Variants in TNNI3K observed in about 807,000 individuals in gnomAD.
TNNI3K encodes the protein serine/threonine-protein kinase TNNI3K.
In TNNI3K, 140 loss-of-function variants were observed where a neutral mutation model predicts 114.5. The observed-to-expected ratio is 1.22, with a 90% CI of 1.07 to 1.41. The LOEUF (loss-of-function observed/expected upper bound fraction) is 1.41, where lower values mean the gene tolerates loss of function less well. TNNI3K is among the 40% of genes most tolerant of loss of function. TNNI3K has a pLI of 0.00. For missense variants in TNNI3K, 1,125 were observed against 1,007.6 expected, an observed-to-expected ratio of 1.12 and a Z score of -1.58; for synonymous variants, 347 against 347.5, an observed-to-expected ratio of 1.00 and a Z score of 0.02.
At chr1:74,539,810 CTTA>C (rs1052717447) in intron 23 of TNNI3K, among the ~76,000 whole-genome samples, 4 of 151,670 alleles carry the variant, frequency 2.6e-5, no homozygotes, top group Non-Finnish European at 4.4e-5. Flanking sequence ...ATCACTATAT[CTTA>C]TTATCATAAA....
rs1557599715 is a variant in TNNI3K, at chr1:74,486,507, C to CTTTTTGCT, written c.2122-2677_2122-2676insGCTTTTTT. 3.5e-3 allele frequency among the ~76,000 whole-genome samples: 485 copies of CTTTTTGCT among 137,096 alleles called. 4 individuals carry two copies. Among genetic ancestry groups the CTTTTTGCT allele is most frequent in the African/African-American group, 0.012 (461 of 36,898 alleles). 89.9% of individuals were successfully genotyped at this position (137,096 alleles called of 152,430 possible). A position where few individuals can be genotyped will look rare whatever the true frequency, so the allele number is the denominator to read the frequency against. ...TTTTGTGTGTGTTTTTTGTTTTTTG[C>CTTTTTGCT]TTTTTTTTTTTTTGCCTCTGCAAGC... On this transcript the variant is annotated intron_variant, in intron 21 of 24. Coordinates refer to ENST00000326637, the MANE Select transcript of TNNI3K (RefSeq NM_015978.3).
intron 2 of TNNI3K, among the ~76,000 whole-genome samples, chr1:74,243,127 TATAAG>T (rs1429620730): frequency 2.0e-5 from 3 of 152,228 alleles, no homozygotes; most frequent in Non-Finnish European, 4.4e-5. Context: ...ACAACAATCT[TATAAG>T]ATAACAATAA....
At chr1:74,502,680 C>G (rs972503355) in intron 23 of TNNI3K, among the ~76,000 whole-genome samples, 7 of 152,162 alleles carry the variant, frequency 4.6e-5, no homozygotes, top group Admixed American at 1.3e-4. Context: ...GGCCAATAGC[C>G]TTTGATTGGA....
chr1:74,501,499 T>G (rs1669628559), intron 23 of TNNI3K, among the ~76,000 whole-genome samples: 1 of 146,562 alleles, frequency 6.8e-6, no homozygotes, highest in Non-Finnish European at 1.5e-5. Flanking sequence ...TTTGTTTGTT[T>G]GTTTGTTTTT....
rs1661532485 is a variant in TNNI3K at position 74,354,081 on chromosome 1, A to G, written c.1129A>G (p.Ser377Gly). ...AGTGGCTTGTGATCCCAGCAGGTCT[A>G]GTGGTGAAAAAGATGAGCAGACATG... is the stretch of plus-strand genomic sequence containing the variant. ...NLVACDPSRS[S>G]GEKDEQTCLM... The change falls in exon 11 of 25, where the codon AGT (serine) becomes GGT (glycine). Residue 377 changes from serine to glycine, a missense_variant. Coordinates refer to ENST00000326637, the MANE Select transcript of TNNI3K (RefSeq NM_015978.3). 2 of 1,614,098 alleles carry G rather than the reference A, an allele frequency of 1.2e-6. No homozygotes were observed. Among genetic ancestry groups the G allele is most frequent in the East Asian group, 4.5e-5 (2 of 44,846 alleles).
At chr1:74,289,485 T>TGAATTACA (rs1570423826) in intron 5 of TNNI3K, among the ~76,000 whole-genome samples, 1 of 2,496 alleles carries the variant, frequency 4.0e-4, no homozygotes, top group South Asian at 0.029. Context: ...CCATAGGTAG[T>TGAATTACA]GTCATTAGTC....
At chr1:74,455,964 A>G (rs1381538611) in intron 20 of TNNI3K, among the ~76,000 whole-genome samples, 1 of 152,206 alleles carries the variant, frequency 6.6e-6, no homozygotes, top group Non-Finnish European at 1.5e-5. Context: ...CATTTAATGA[A>G]CTATCACAGG....
intron 23 of TNNI3K, among the ~76,000 whole-genome samples, chr1:74,507,226 C>CCA (rs1669951972): frequency 3.7e-5 from 5 of 135,936 alleles, no homozygotes; most frequent in Admixed American, 1.5e-4. Flanking sequence ...TTTCTTCACC[C>CCA]CCCCCCCATC....
At chr1:74,478,893 G>GACATAGTTA (rs1391496206) in intron 21 of TNNI3K, among the ~76,000 whole-genome samples, 2 of 152,084 alleles carry the variant, frequency 1.3e-5, no homozygotes, top group Non-Finnish European at 2.9e-5. Context: ...TACAATTACT[G>GACATAGTTA]ACATAGTTAC....
intron 5 of TNNI3K, among the ~76,000 whole-genome samples, chr1:74,297,266 T>C (rs1658044738): frequency 6.6e-6 from 1 of 152,230 alleles, no homozygotes; most frequent in Non-Finnish European, 1.5e-5. Flanking sequence ...ACTTCAAATG[T>C]AGCTAGTGTG....
At chr1:74,514,560 A>G (rs1646321265) in intron 23 of TNNI3K, among the ~76,000 whole-genome samples, 1 of 152,122 alleles carries the variant, frequency 6.6e-6, no homozygotes, top group African/African-American at 2.4e-5. Context: ...TAATATCCCC[A>G]ATTATTTGCT....
intron 6 of TNNI3K, among the ~76,000 whole-genome samples, chr1:74,333,017 G>A (rs1027454508): frequency 2.8e-5 from 4 of 144,004 alleles, no homozygotes; most frequent in Non-Finnish European, 3.0e-5. Context: ...CTGGATAACC[G>A]AATATAACTG....
intron 17 of TNNI3K, chr1:74,416,526 T>C: frequency 3.0e-6 from 3 of 985,272 alleles, no homozygotes; most frequent in Middle Eastern, 5.2e-4. Flanking sequence ...GTGGCTTACA[T>C]AGTCAAATCC....
intron 6 of TNNI3K, among the ~76,000 whole-genome samples, chr1:74,333,304 G>A (rs758291365): frequency 1.3e-5 from 2 of 152,230 alleles, no homozygotes; most frequent in Non-Finnish European, 2.9e-5. Flanking sequence ...TGCTCAGAGT[G>A]CACTGGAGTG....
chr1:74,470,278 G>A, intron 21 of TNNI3K: 2 of 400,636 alleles, frequency 5.0e-6, no homozygotes, highest in Non-Finnish European at 4.4e-6. Context: ...ATTTTCCCAA[G>A]TTTGCTGCCT....
intron 11 of TNNI3K, among the ~76,000 whole-genome samples, chr1:74,358,279 G>T (rs1470644464): frequency 6.6e-6 from 1 of 152,038 alleles, no homozygotes; most frequent in African/African-American, 2.4e-5. Flanking sequence ...TACAGCAAAG[G>T]CGCCTAATTC....
chr1:74,332,075 C>G (rs1205984417), intron 6 of TNNI3K, among the ~76,000 whole-genome samples: 2 of 151,986 alleles, frequency 1.3e-5, no homozygotes, highest in Non-Finnish European at 1.5e-5. Context: ...GATTCTATAA[C>G]AGGTCCATAT....
chr1:74,488,715 A>G (rs1047326170), intron 21 of TNNI3K, among the ~76,000 whole-genome samples: 1 of 152,230 alleles, frequency 6.6e-6, no homozygotes, highest in Non-Finnish European at 1.5e-5. Flanking sequence ...CCCTAAAGTA[A>G]GGCATAGTCC....
chr1:74,470,128 T>A (rs1667852626), intron 21 of TNNI3K: 1 of 400,648 alleles, frequency 2.5e-6, no homozygotes, highest in Non-Finnish European at 4.4e-6. Context: ...ATTATGTACA[T>A]TACTGTTAAC....
Sources: gnomAD v4.1 joint callset for allele counts (sites outside exome capture counted in the v4.1 genomes callset) on GRCh38, gnomAD v4.1.1 for gene constraint, MANE v1.5 for transcripts, NCBI Gene and HGNC (gene_info 2026-07-23, HGNC 2026-07-21) for gene names.